Variants in SSH3 observed in about 807,000 individuals in gnomAD.
SSH3 encodes the protein protein phosphatase Slingshot homolog 3.
SSH3 carries 67 observed loss-of-function variants against 75.0 expected under a neutral mutation model. The observed-to-expected ratio is 0.89, with a 90% confidence interval of 0.73 to 1.10. SSH3 has a LOEUF of 1.10. Among genes scored for constraint, SSH3 ranks in the 50% least tolerant of loss-of-function variants. The pLI, the probability that SSH3 is intolerant of heterozygous loss-of-function variation, is 0.00. For synonymous variants in SSH3, 318 were observed against 349.2 expected (o/e 0.91, Z 1.00); for missense variants, 824 against 872.7 (o/e 0.94, Z 0.70).
At chr11:67,304,556 T>G (rs776097944) in intron 2 of SSH3, among the ~76,000 whole-genome samples, 7 of 152,204 alleles carry the variant, frequency 4.6e-5, no homozygotes, top group Non-Finnish European at 1.0e-4. Context: ...GGCTGAGAGC[T>G]TGGAAGCCCC....
In SSH3 at chr11:67,311,956, C is replaced by T. The variant is rs949473193; in HGVS notation, c.*69C>T. ...ACAACTCCTTGGAGAAACACCCTCA[C>T]GTCTGTTGCCGCACACATTCCTCTC... On this transcript the variant is annotated 3_prime_UTR_variant, in exon 14 of 14. Transcript: ENST00000308127. The T allele has an allele frequency of 5.1e-6, 8 of 1,579,772 alleles. No individual in the cohort carries two copies. Among genetic ancestry groups the T allele is most frequent in the South Asian group, 2.3e-5 (2 of 88,436 alleles).
intron 1 of SSH3, 108 bp from the exon 2 acceptor site, chr11:67,304,010 T>C: frequency 7.3e-7 from 1 of 1,373,188 alleles, no homozygotes; most frequent in African/African-American, 1.5e-5. Flanking sequence ...GGGAAGACGA[T>C]TGGCATCTGG....
chr11:67,303,910 C>CGCGCCCCCCGCCACACTCG, intron 1 of SSH3: 1 of 771,228 alleles, frequency 1.3e-6, no homozygotes, highest in East Asian at 3.2e-5. Flanking sequence ...CCGATCTGAG[C>CGCGCCCCCCGCCACACTCG]GCGCCCCCCG....
chr11:67,311,985 T>C lies in SSH3; in HGVS notation c.*98T>C. On this transcript the variant is annotated 3_prime_UTR_variant, in exon 14 of 14. Transcript: ENST00000308127. Reference sequence around the variant, plus strand: ...TGTTGCCGCACACATTCCTCTCAGCTCCGCCCCATACCCGTCACTACAGCC... The same window carrying C: ...TGTTGCCGCACACATTCCTCTCAGCCCCGCCCCATACCCGTCACTACAGCC... 1.3e-6 allele frequency: 2 copies of C among 1,505,316 alleles called. No individual in the cohort carries two copies. The highest frequency in any genetic ancestry group is 1.8e-6 in the Non-Finnish European group (2 of 1,123,004). 93.2% of individuals were successfully genotyped at this position (1,505,316 alleles called of 1,614,324 possible).
At chr11:67,304,669 C>A in intron 2 of SSH3, 104 bp from the exon 3 acceptor site, 2 of 1,172,838 alleles carry the variant, frequency 1.7e-6, no homozygotes, top group South Asian at 1.4e-5. Context: ...GCCCATGAAT[C>A]CGTGTAGACA....
rs759379539 is a variant in SSH3 at position 67,307,928 on chromosome 11, A to C, written c.874A>C (p.Thr292Pro). 2 of 1,614,142 alleles carry C rather than the reference A, an allele frequency of 1.2e-6. No homozygotes were observed. Among genetic ancestry groups the C allele is most frequent in the Non-Finnish European group, 1.7e-6 (2 of 1,179,986 alleles). The change falls in exon 8 of 14, where the codon ACT becomes CCT. Residue 292 changes from threonine to proline, a missense_variant. Thr to Pro is a conservative substitution (Grantham distance 38, BLOSUM62 -1). Transcript: ENST00000308127. The surrounding 1 kb of genome is among the most constrained non-coding windows in gnomAD (Gnocchi z 4.2). ...VLDVSDLESV[T>P]SKEIRQALEL... The stretch of plus-strand genomic sequence containing the variant: ...GGATGTCAGTGACCTGGAGAGTGTC[A>C]CTTCCAAAGAGGTGGGCAGGGGGCC...
intron 3 of SSH3, among the ~76,000 whole-genome samples, chr11:67,306,075 G>A (rs1321905436): frequency 2.0e-5 from 3 of 149,324 alleles, no homozygotes; most frequent in African/African-American, 5.0e-5. Context: ...AGATCACGAG[G>A]TCAGGAGATC....
chr11:67,311,732 A>C lies in SSH3; in HGVS notation c.1825A>C (p.Ser609Arg). 6.2e-7 allele frequency: 1 copy of C among 1,614,014 alleles called. No homozygotes were observed. The highest frequency in any genetic ancestry group is 8.5e-7 in the Non-Finnish European group (1 of 1,180,000). Residue 609 changes from serine (S) to arginine (R), a missense_variant, in exon 14 of 14, where the codon AGT becomes CGT. Physicochemically the swap from Ser to Arg is moderately radical, Grantham distance 110 (BLOSUM62 -1). Coordinates refer to ENST00000308127, the MANE Select transcript of SSH3 (RefSeq NM_017857.4). Reference sequence around the variant, plus strand: ...CCAGTCAGTGGTTACCCTCCAGGGCAGTGCCGTGGTGGCCAACCGGACCCA... The same window carrying C: ...CCAGTCAGTGGTTACCCTCCAGGGCCGTGCCGTGGTGGCCAACCGGACCCA... Reference protein sequence around the residue: ...SRQSVVTLQGSAVVANRTQAF... With the variant: ...SRQSVVTLQGRAVVANRTQAF...
chr11:67,307,395 G>A lies in SSH3; in HGVS notation c.561G>A (p.Gly187=), dbSNP rs140979360. The change falls in exon 6 of 14, where the codon GGG becomes GGA. Residue 187 remains glycine (G), a synonymous_variant. Transcript: ENST00000308127. The surrounding 1 kb of genome is among the most constrained non-coding windows in gnomAD (Gnocchi z 4.2). The stretch of plus-strand genomic sequence containing the variant: ...GGGGCTTCAGCGTGACGTCTGGTGG[G>A]CAAAGCCGGATCTTCAAGCCCATCT... The part of the protein sequence containing the change: ...GDGGFSVTSG[G]QSRIFKPISI... 1 of 1,613,888 alleles carries A rather than the reference G, an allele frequency of 6.2e-7. No individual in the cohort carries two copies. The highest frequency in any genetic ancestry group is 1.3e-5 in the African/African-American group (1 of 74,926).
At position 67,311,711 on chromosome 11, in the gene SSH3, T is replaced by G. The variant is rs1565091346; in HGVS notation, c.1804T>G (p.Ser602Ala). The G allele has an allele frequency of 6.2e-7, 1 of 1,614,020 alleles. No individual in the cohort carries two copies. The highest frequency in any genetic ancestry group is 8.5e-7 in the Non-Finnish European group (1 of 1,180,014). Residue 602 changes from serine to alanine, a missense_variant, in exon 14 of 14, where the codon TCA (serine) becomes GCA (alanine). Physicochemically the swap from Ser to Ala is moderately conservative, Grantham distance 99 (BLOSUM62 1). Coordinates refer to ENST00000308127, the MANE Select transcript of SSH3 (RefSeq NM_017857.4). Reference sequence around the variant, plus strand: ...TCAGCCTGCCCTGAAGTCCCGCCAGTCAGTGGTTACCCTCCAGGGCAGTGC... The same window carrying G: ...TCAGCCTGCCCTGAAGTCCCGCCAGGCAGTGGTTACCCTCCAGGGCAGTGC... ...GPQPALKSRQ[S>A]VVTLQGSAVV... is the part of the protein sequence containing the mutation.
chr11:67,308,580 T>A lies in SSH3; in HGVS notation c.1061+122T>A. The A allele has an allele frequency of 7.2e-7, 1 of 1,379,922 alleles. No homozygotes were observed. The highest frequency in any genetic ancestry group is 9.9e-7 in the Non-Finnish European group (1 of 1,006,826). The allele number at this position is 1,379,922 out of a possible 1,614,324, so 85.5% of individuals were successfully genotyped here. Reference sequence around the variant, plus strand: ...CCTCAGCAGCTGCTAGCTCTGCTTCTAACTCTGTCCTGGGGCTGTTGCCCT... The same window carrying A: ...CCTCAGCAGCTGCTAGCTCTGCTTCAAACTCTGTCCTGGGGCTGTTGCCCT... On this transcript the variant is annotated intron_variant, in intron 10 of 13. Coordinates refer to ENST00000308127, the MANE Select transcript of SSH3 (RefSeq NM_017857.4). This position sits in a 1 kb window ranked among gnomAD's most constrained non-coding sequence, Gnocchi z 4.9.
Position 67,311,883 on chromosome 11 carries a change from C to A in SSH3, c.1976C>A (p.Ala659Asp). 4 of 1,609,666 alleles carry A rather than the reference C, an allele frequency of 2.5e-6. No homozygotes were observed. The highest frequency in any genetic ancestry group is 1.1e-5 in the South Asian group (1 of 90,900). ...CATGACAGTGGAGAGGAGGGCGAGG[C>A]CTGAGCCCTCACACATGCCCACGCT... ...SVHDSGEEGE[A>D] Residue 659 changes from alanine (A) to aspartate (D), a missense_variant, in exon 14 of 14, where the codon GCC (alanine) becomes GAC (aspartate). Ala to Asp is a moderately radical substitution (Grantham distance 126). Transcript: ENST00000308127.
At chr11:67,305,623 C>T (rs1861220217) in intron 3 of SSH3, among the ~76,000 whole-genome samples, 2 of 152,182 alleles carry the variant, frequency 1.3e-5, no homozygotes, top group South Asian at 4.1e-4. Context: ...GCATGTTTCT[C>T]CTCAACCAGT....
chr11:67,311,141 G>T (rs191973129), intron 13 of SSH3, among the ~76,000 whole-genome samples: 56 of 152,308 alleles, frequency 3.7e-4, no homozygotes, highest in Non-Finnish European at 6.8e-4. Context: ...GGCGTGGTGG[G>T]TTGATGGGCG....
Position 67,307,729 on chromosome 11 carries a change from GCCTGGCGGGTC to G in SSH3, c.784_791+3del. On this transcript the variant is annotated splice_donor_variant and splice_donor_region_variant and coding_sequence_variant and intron_variant, in exon 7 of 14. Coordinates refer to ENST00000308127, the MANE Select transcript of SSH3 (RefSeq NM_017857.4). The surrounding 1 kb of genome is among the most constrained non-coding windows in gnomAD (Gnocchi z 4.2). ...AGTCTCTGCGGCCTCCCAGCGCCGAGCCTGGCGGGTCAGTGTGTGGAGGGGAGGGACTGGGT... is the reference window on the plus strand; with the variant it reads ...AGTCTCTGCGGCCTCCCAGCGCCGAGAGTGTGTGGAGGGGAGGGACTGGGT... The G allele has an allele frequency of 6.2e-7, 1 of 1,613,930 alleles. No individual in the cohort carries two copies. Among genetic ancestry groups the G allele is most frequent in the Non-Finnish European group, 8.5e-7 (1 of 1,180,010 alleles).
At position 67,308,210 on chromosome 11, in the gene SSH3, C is replaced by A. The variant is rs1354562682; in HGVS notation, c.922C>A (p.Leu308Ile). 2 of 1,613,934 alleles carry A rather than the reference C, an allele frequency of 1.2e-6. No individual in the cohort carries two copies. Among genetic ancestry groups the A allele is most frequent in the Non-Finnish European group, 1.7e-6 (2 of 1,180,036 alleles). The change falls in exon 9 of 14, where the codon CTC becomes ATC. Residue 308 changes from leucine (L) to isoleucine (I), a missense_variant. Transcript: ENST00000308127. This position sits in a 1 kb window ranked among gnomAD's most constrained non-coding sequence, Gnocchi z 4.9. ...TCTGGAGCTGCGCCTGGGGCTCCCC[C>A]TCCAGCAGTACCGTGACTTCATCGA... ...QALELRLGLP[L>I]QQYRDFIDNQ...
chr11:67,307,194 G>A lies in SSH3; in HGVS notation c.536+81G>A. 1.3e-6 allele frequency: 2 copies of A among 1,582,414 alleles called. No individual in the cohort carries two copies. Among genetic ancestry groups the A allele is most frequent in the Non-Finnish European group, 1.7e-6 (2 of 1,164,528 alleles). On this transcript the variant is annotated intron_variant, in intron 5 of 13. Transcript: ENST00000308127. This position sits in a 1 kb window ranked among gnomAD's most constrained non-coding sequence, Gnocchi z 4.2. ...GATGTGACGGGGCCTGGGCACCAGG[G>A]TACAGTAGAACTTTAGGCTGGGACT...
At chr11:67,306,624 C>G (rs1298243225) in intron 3 of SSH3, among the ~76,000 whole-genome samples, 1 of 152,164 alleles carries the variant, frequency 6.6e-6, no homozygotes, top group Non-Finnish European at 1.5e-5. Flanking sequence ...AAACAACCTC[C>G]TTCCTCAGCA....
chr11:67,309,523 C>T lies in SSH3; in HGVS notation c.1188C>T (p.His396=). The T allele has an allele frequency of 6.2e-7, 1 of 1,613,936 alleles. No individual in the cohort carries two copies. The highest frequency in any genetic ancestry group is 2.2e-5 in the East Asian group (1 of 44,890). The change falls in exon 11 of 14, where the codon CAC becomes CAT. Residue 396 remains histidine, a synonymous_variant. Coordinates refer to ENST00000308127, the MANE Select transcript of SSH3 (RefSeq NM_017857.4). The stretch of plus-strand genomic sequence containing the variant: ...TGCTGCCGCACTGGAAGGAGACGCA[C>T]CGCTTCATTGAGGCTGCAAGGTCGG... ...AQLLPHWKET[H]RFIEAARAQG...
Sources: gnomAD v4.1 joint callset for allele counts (sites outside exome capture counted in the v4.1 genomes callset) on GRCh38, gnomAD v4.1.1 for gene constraint, Gnocchi (gnomAD v3.1) non-coding constraint, MANE v1.5 for transcripts, NCBI Gene and HGNC (gene_info 2026-07-23, HGNC 2026-07-21) for gene names.